The following AFAP1L2 variants were observed in gnomAD, a reference collection of about 807,000 sequenced individuals.
AFAP1L2 encodes actin filament-associated protein 1-like 2.
A neutral mutation model predicts 99.3 loss-of-function variants in AFAP1L2; 46 were observed. The ratio of observed to expected loss-of-function variants is 0.46; its 90% CI spans 0.37 to 0.59. AFAP1L2 has a LOEUF of 0.59. AFAP1L2 is among the 20% of genes least tolerant of loss of function. The pLI, the probability that AFAP1L2 is intolerant of heterozygous loss-of-function variation, is 0.00. For synonymous variants in AFAP1L2, 397 were observed against 419.1 expected (o/e 0.95, Z 0.64); for missense variants, 959 against 1,034.9 (o/e 0.93, Z 1.01).
chr10:114,323,296 A>C, intron 4 of AFAP1L2, 35 bp from the exon 5 acceptor site: 7 of 1,544,580 alleles, frequency 4.5e-6, no homozygotes, highest in Non-Finnish European at 6.2e-6. Context: ...ACGTTTGCAG[A>C]TATGGTACAC....
Position 114,402,505 on chromosome 10 carries a change from C to A in AFAP1L2, c.16+1935G>T, listed in dbSNP as rs2058318224. ...ATTAGCCTCTGAAACCTAGATAATT[C>A]TCAGGTTTACCCACTTATCACTCTG... On this transcript the variant is annotated intron_variant, in intron 1 of 18. Coordinates refer to ENST00000304129, the MANE Select transcript of AFAP1L2 (RefSeq NM_001001936.3). Among the ~76,000 whole-genome samples the A allele has an allele frequency of 2.0e-5, 3 of 152,252 alleles. No individual in the cohort carries two copies. The South Asian group carries it at 6.2e-4, about 32-fold the overall frequency.
intron 8 of AFAP1L2, 77 bp downstream of exon 8, chr10:114,310,277 C>T (rs2043024567): frequency 1.2e-5 from 17 of 1,406,058 alleles, no homozygotes; most frequent in Non-Finnish European, 1.7e-5. Context: ...AAAAACGAAG[C>T]TCCCAATTTT....
intron 6 of AFAP1L2, 130 bp downstream of exon 6, chr10:114,315,430 A>C: frequency 1.2e-6 from 1 of 847,860 alleles, no homozygotes; most frequent in Non-Finnish European, 1.8e-6. Context: ...ATTAGGGAGA[A>C]GTTAAAATCT....
chr10:114,297,195 C>T (rs751374515), intron 17 of AFAP1L2, 25 bp downstream of exon 17: 2 of 1,611,228 alleles, frequency 1.2e-6, no homozygotes, highest in Non-Finnish European at 1.7e-6. Context: ...GCAAGCAGCC[C>T]AGAGGCCGCA....
At chr10:114,375,335 T>G (rs2054645545) in intron 1 of AFAP1L2, among the ~76,000 whole-genome samples, 1 of 152,160 alleles carries the variant, frequency 6.6e-6, no homozygotes, top group Non-Finnish European at 1.5e-5. Flanking sequence ...TCCTATCTGC[T>G]CATTACAAGA....
chr10:114,362,397 C>T lies in AFAP1L2; in HGVS notation c.17-21666G>A, dbSNP rs1019102296. ...CCTGGGTTTAGGGAGGGCTCTGCAC[C>T]CAGCGACTGGGGTCCTTGTAAGAGG... On this transcript the variant is annotated intron_variant, in intron 1 of 18. Transcript: ENST00000304129. Among the ~76,000 whole-genome samples the T allele has an allele frequency of 3.9e-5, 6 of 152,034 alleles. No homozygotes were observed. In the East Asian group the frequency reaches 1.2e-3, roughly 29 times the overall value.
chr10:114,359,928 G>T lies in AFAP1L2; in HGVS notation c.17-19197C>A, dbSNP rs2051990942. Among the ~76,000 whole-genome samples, 3 of 99,800 alleles carry T rather than the reference G, an allele frequency of 3.0e-5. No individual in the cohort carries two copies. The South Asian group carries it at 1.1e-3, about 35-fold the overall frequency. 65.5% of individuals were successfully genotyped at this position (99,800 alleles called of 152,430 possible). A position where few individuals can be genotyped will look rare whatever the true frequency, so the allele number is the denominator to read the frequency against. On this transcript the variant is annotated intron_variant, in intron 1 of 18. Transcript: ENST00000304129. ...CACCAAGGACATATATGTCACCAAG[G>T]ACATATATGACATTGCCACCTTACC...
At chr10:114,318,114 G>A (rs1006705623) in intron 5 of AFAP1L2, among the ~76,000 whole-genome samples, 2 of 152,182 alleles carry the variant, frequency 1.3e-5, no homozygotes, top group Non-Finnish European at 2.9e-5. Flanking sequence ...CATAGAAAAA[G>A]CTCAAAATAG....
chr10:114,404,638 C>T (rs999760815), upstream of AFAP1L2: 22 of 841,788 alleles, frequency 2.6e-5, no homozygotes, highest in East Asian at 3.7e-5. Flanking sequence ...GCCCCCAGCG[C>T]CCCTGTCCCA....
the AFAP1L2 span, chr10:114,289,760 C>T: frequency 5.9e-6 from 3 of 511,158 alleles, no homozygotes; most frequent in Non-Finnish European, 1.1e-5. Context: ...ACAGAACACA[C>T]TTTTAGAATA....
chr10:114,313,870 C>T lies in AFAP1L2; in HGVS notation c.792+1G>A. ...TCCAAGTGGCTCGGTGTCGCCCTCA[C>T]CCTGAGCCACTGCTCAGCCTGGTCC... On this transcript the variant is annotated splice_donor_variant, in intron 7 of 18. Coordinates refer to ENST00000304129, the MANE Select transcript of AFAP1L2 (RefSeq NM_001001936.3). LOFTEE classifies it high-confidence loss of function. 1 of 1,603,766 alleles carries T rather than the reference C, an allele frequency of 6.2e-7. No individual in the cohort carries two copies. The highest frequency in any genetic ancestry group is 1.1e-5 in the South Asian group (1 of 90,602).
intron 1 of AFAP1L2, among the ~76,000 whole-genome samples, chr10:114,342,183 TG>T (rs2048917631): frequency 1.3e-5 from 2 of 152,240 alleles, no homozygotes. Context: ...TGGCACTAGC[TG>T]TGACCAATCA....
chr10:114,289,632 C>T, the AFAP1L2 span: 4 of 884,072 alleles, frequency 4.5e-6, no homozygotes, highest in Non-Finnish European at 7.1e-6. Context: ...TGCTAAACCC[C>T]ATGCTCACAT....
At chr10:114,339,011 C>A (rs2048377425) in intron 2 of AFAP1L2, among the ~76,000 whole-genome samples, 1 of 152,218 alleles carries the variant, frequency 6.6e-6, no homozygotes, top group South Asian at 2.1e-4. Context: ...TCTCAGTTTC[C>A]CCCTCTATAA....
rs115551291 is a variant in AFAP1L2 at position 114,378,059 on chromosome 10, G to T, written c.16+26381C>A. On this transcript the variant is annotated intron_variant, in intron 1 of 18. Coordinates refer to ENST00000304129, the MANE Select transcript of AFAP1L2 (RefSeq NM_001001936.3). ...AAACAGAACCCGTGTTAAGGGAAAG[G>T]TCCTTCAGAATGAGGGTACCAATCA... Among the ~76,000 whole-genome samples the T allele has an allele frequency of 9.6e-3, 1,460 of 152,320 alleles. 24 individuals carry two copies. Among genetic ancestry groups the T allele is most frequent in the African/African-American group, 0.033 (1,368 of 41,574 alleles).
intron 1 of AFAP1L2, among the ~76,000 whole-genome samples, chr10:114,395,870 T>C (rs922019900): frequency 2.7e-5 from 4 of 149,476 alleles, no homozygotes; most frequent in Non-Finnish European, 5.9e-5. Flanking sequence ...CCTTCTTAGG[T>C]AGACCAGCCA....
At chr10:114,312,565 T>C (rs2043424075) in intron 7 of AFAP1L2, among the ~76,000 whole-genome samples, 1 of 137,884 alleles carries the variant, frequency 7.3e-6, no homozygotes, top group Non-Finnish European at 1.5e-5. Flanking sequence ...GAGCACTCAG[T>C]ATATACCAAG....
chr10:114,396,251 G>C (rs905103714), intron 1 of AFAP1L2, among the ~76,000 whole-genome samples: 1 of 152,126 alleles, frequency 6.6e-6, no homozygotes, highest in African/African-American at 2.4e-5. Context: ...AGGGTACAGA[G>C]CCAGACAAAA....
At chr10:114,290,148 C>A (rs900933063), downstream of AFAP1L2, 3 of 1,491,192 alleles carry the variant, frequency 2.0e-6, no homozygotes, top group East Asian at 7.5e-5. Flanking sequence ...ACTCTAGTAG[C>A]CTTGCACCTC....
Sources: gnomAD v4.1 joint callset for allele counts (sites outside exome capture counted in the v4.1 genomes callset) on GRCh38, gnomAD v4.1.1 for gene constraint, MANE v1.5 for transcripts, NCBI Gene and HGNC (gene_info 2026-07-23, HGNC 2026-07-21) for gene names.